Variants in PHLDB2 observed in about 807,000 individuals in gnomAD.
The protein encoded by PHLDB2 is pleckstrin homology-like domain family B member 2.
PHLDB2 carries 71 observed loss-of-function variants against 123.6 expected under a neutral mutation model. That is an observed-to-expected ratio of 0.57 (90% CI 0.47 to 0.70). The LOEUF (loss-of-function observed/expected upper bound fraction) is 0.70, where lower values mean the gene tolerates loss of function less well. Ranked by LOEUF, PHLDB2 falls within the 30% of genes least tolerant of loss-of-function variation. PHLDB2 has a pLI of 0.00. For missense variants in PHLDB2, 1,446 were observed against 1,519.5 expected (o/e 0.95, Z 0.80); for synonymous variants, 547 against 541.6 (o/e 1.01, Z -0.14).
intron 6 of PHLDB2, 107 bp from the exon 7 acceptor site, chr3:111,939,368 T>C: frequency 8.6e-7 from 1 of 1,167,238 alleles, no homozygotes; most frequent in Non-Finnish European, 1.2e-6. Context: ...GTCAATATTG[T>C]AACTGGAAAG....
chr3:111,946,467 A>G lies in PHLDB2; in HGVS notation c.2487+1110A>G, dbSNP rs375643196. ...AGAAAATATTTTTGTGTGTGTAAGT[A>G]TATGAAACAAAATGCTCATCACAAT... On this transcript the variant is annotated intron_variant, in intron 9 of 17. Transcript: ENST00000431670. Among the ~76,000 whole-genome samples the G allele has an allele frequency of 9.2e-5, 14 of 152,398 alleles. No individual in the cohort carries two copies. In the South Asian group the frequency reaches 1.0e-3, roughly 11 times the overall value.
rs1317834709 is a variant in PHLDB2 at position 111,913,664 on chromosome 3, G to A, written c.1681G>A (p.Ala561Thr). ...ACCACCATCCTCCACCTTTCCGAAA[G>A]CTTCCAGCGAGTCCTCTTATCTAAG... ...PPPPSSTFPK[A>T]SSESSYLSIL... is the part of the protein sequence containing the mutation. The change falls in exon 3 of 18, where the codon GCT becomes ACT. Residue 561 changes from alanine to threonine, a missense_variant. Transcript: ENST00000431670. The A allele has an allele frequency of 1.2e-6, 2 of 1,613,724 alleles. No individual in the cohort carries two copies. The highest frequency in any genetic ancestry group is 4.5e-5 in the East Asian group (2 of 44,884).
intron 1 of PHLDB2, among the ~76,000 whole-genome samples, chr3:111,780,294 A>AGTG (rs2060367323): frequency 2.1e-4 from 1 of 4,692 alleles, no homozygotes; most frequent in South Asian, 0.014. Flanking sequence ...AAGAAGAAGA[A>AGTG]GAGGAAGAGG....
In PHLDB2 at chr3:111,829,405, T is replaced by TAAAA. The variant is rs71131979; in HGVS notation, c.-48-16404_-48-16401dup. Among the ~76,000 whole-genome samples, 190 of 136,444 alleles carry TAAAA rather than the reference T, an allele frequency of 1.4e-3. 2 individuals are homozygous for TAAAA. The highest frequency in any genetic ancestry group is 3.8e-3 in the Middle Eastern group (1 of 264). 89.5% of individuals were successfully genotyped at this position (136,444 alleles called of 152,430 possible). A position where few individuals can be genotyped will look rare whatever the true frequency, so the allele number is the denominator to read the frequency against. On this transcript the variant is annotated intron_variant, in intron 1 of 17. Coordinates refer to the PHLDB2 transcript ENST00000393923. ...CTGGTTCTTCCATTATTCTTTTGTT[T>TAAAA]AAAAAAAAAAAAAAAGTCCTAACAT...
At chr3:111,786,007 A>G (rs1442626336) in intron 1 of PHLDB2, among the ~76,000 whole-genome samples, 3 of 152,146 alleles carry the variant, frequency 2.0e-5, no homozygotes, top group Non-Finnish European at 2.9e-5. Context: ...TTTATAGCAA[A>G]TCTTACTTAA....
At chr3:111,802,977 T>C (rs1161316390) in intron 1 of PHLDB2, among the ~76,000 whole-genome samples, 1 of 152,220 alleles carries the variant, frequency 6.6e-6, no homozygotes, top group African/African-American at 2.4e-5. Context: ...AAAGCAGATA[T>C]ATGATATCAG....
At chr3:111,837,764 C>G (rs1403494649) in intron 1 of PHLDB2, among the ~76,000 whole-genome samples, 1 of 152,236 alleles carries the variant, frequency 6.6e-6, no homozygotes, top group South Asian at 2.1e-4. Flanking sequence ...TGAACCTGGC[C>G]GGGCACGGTG....
chr3:111,779,977 C>CTCCTCT, intron 1 of PHLDB2: 3 of 584,162 alleles, frequency 5.1e-6, no homozygotes, highest in Middle Eastern at 8.6e-4. Flanking sequence ...GTCGAGGACT[C>CTCCTCT]TGACATGTGT....
intron 1 of PHLDB2, among the ~76,000 whole-genome samples, chr3:111,797,938 C>G (rs968046990): frequency 1.3e-5 from 2 of 152,084 alleles, no homozygotes; most frequent in Admixed American, 1.3e-4. Context: ...TTGAGGCCAG[C>G]CTTGGCGATA....
chr3:111,873,234 T>G (rs2065431761), intron 1 of PHLDB2, among the ~76,000 whole-genome samples: 1 of 152,236 alleles, frequency 6.6e-6, no homozygotes, highest in African/African-American at 2.4e-5. Flanking sequence ...TATATTTTGT[T>G]TGGCCAACCA....
At chr3:111,918,303 C>T (rs1017896366) in intron 3 of PHLDB2, among the ~76,000 whole-genome samples, 4 of 152,084 alleles carry the variant, frequency 2.6e-5, no homozygotes, top group Non-Finnish European at 2.9e-5. Flanking sequence ...TATTTCTTGC[C>T]GATGAACCAG....
At chr3:111,776,819 T>C (rs1230566973) in intron 1 of PHLDB2, among the ~76,000 whole-genome samples, 4 of 152,126 alleles carry the variant, frequency 2.6e-5, no homozygotes, top group Non-Finnish European at 5.9e-5. Context: ...CTTTCTCCCT[T>C]CCAATCTTTC....
chr3:111,956,634 T>G (rs1425536205), intron 12 of PHLDB2, among the ~76,000 whole-genome samples: 1 of 152,156 alleles, frequency 6.6e-6, no homozygotes, highest in Non-Finnish European at 1.5e-5. Context: ...AAAGAACCAT[T>G]ATATGCGTGT....
Position 111,960,120 on chromosome 3 carries a change from TAAATA to T in PHLDB2, c.2873-1986_2873-1982del, listed in dbSNP as rs912109685. ...TGTTGTTTTTTTGTCATTTGCATAA[TAAATA>T]ATTGGAAACAACTTAAAAGGAGCAA... On this transcript the variant is annotated intron_variant, in intron 12 of 17. Coordinates refer to ENST00000431670, the MANE Select transcript of PHLDB2 (RefSeq NM_001134438.2). 5.1e-5 allele frequency: 40 copies of T among 791,770 alleles called. 1 individual carries two copies. The highest frequency in any genetic ancestry group is 5.4e-5 in the Non-Finnish European group (35 of 653,586). 49.0% of individuals were successfully genotyped at this position (791,770 alleles called of 1,614,324 possible).
intron 2 of PHLDB2, among the ~76,000 whole-genome samples, chr3:111,912,568 A>G (rs1170052577): frequency 1.3e-5 from 2 of 152,180 alleles, no homozygotes; most frequent in African/African-American, 4.8e-5. Context: ...AGGCATTAAA[A>G]AGTTTAGAAA....
intron 1 of PHLDB2, among the ~76,000 whole-genome samples, chr3:111,802,519 C>T (rs2061414802): frequency 6.6e-6 from 1 of 152,194 alleles, no homozygotes; most frequent in South Asian, 2.1e-4. Context: ...TCCCAACTCT[C>T]ATTTATTTCC....
At chr3:111,820,634 G>A (rs1279876475) in intron 1 of PHLDB2, among the ~76,000 whole-genome samples, 1 of 152,174 alleles carries the variant, frequency 6.6e-6, no homozygotes, top group African/African-American at 2.4e-5. Flanking sequence ...AGATCTAAAT[G>A]TATGTACCTT....
intron 3 of PHLDB2, chr3:111,917,196 C>A (rs1043893350): frequency 6.6e-6 from 1 of 152,130 alleles, no homozygotes; most frequent in South Asian, 2.1e-4. Context: ...TCCTAGATGG[C>A]ATTTATTGCT....
intron 1 of PHLDB2, among the ~76,000 whole-genome samples, chr3:111,740,835 T>C (rs2059590376): frequency 1.3e-5 from 2 of 149,710 alleles, no homozygotes; most frequent in African/African-American, 2.5e-5. Context: ...AGTCCAACAA[T>C]GATTATCAAT....
Sources: allele counts gnomAD v4.1 joint callset (sites outside exome capture counted in the v4.1 genomes callset), GRCh38; gene constraint gnomAD v4.1.1; transcripts MANE v1.5; gene names NCBI Gene and HGNC (gene_info 2026-07-23, HGNC 2026-07-21).